The following CSPP1 variants were observed in gnomAD, a reference collection of about 807,000 sequenced individuals.
CSPP1 encodes the protein centrosome and spindle pole-associated protein 1.
A neutral mutation model predicts 164.4 loss-of-function variants in CSPP1; 126 were observed. The ratio of observed to expected loss-of-function variants is 0.77; its 90% CI spans 0.66 to 0.89. CSPP1 has a LOEUF of 0.89. Among genes scored for constraint, CSPP1 ranks in the 40% least tolerant of loss-of-function variants. The pLI is 0.00. For synonymous variants in CSPP1, 472 were observed against 476.7 expected, an observed-to-expected ratio of 0.99 and a Z score of 0.13; for missense variants, 1,395 against 1,449.8, an observed-to-expected ratio of 0.96 and a Z score of 0.61.
At chr8:67,074,102 C>A (rs1302853095) in intron 1 of CSPP1, 141 bp from the exon 2 acceptor site, 8 of 518,504 alleles carry the variant, frequency 1.5e-5, no homozygotes, top group Non-Finnish European at 2.8e-5. Flanking sequence ...AGTAGGCAGG[C>A]ATATTTATGA....
At chr8:67,099,843 G>T (rs1032281605) in intron 7 of CSPP1, among the ~76,000 whole-genome samples, 1 of 152,002 alleles carries the variant, frequency 6.6e-6, no homozygotes, top group Non-Finnish European at 1.5e-5. Context: ...GAATAAGGTG[G>T]CTAACTTACC....
intron 1 of CSPP1, 50 bp from the exon 2 acceptor site, chr8:67,074,193 G>T (rs186724611): frequency 9.7e-7 from 1 of 1,034,486 alleles, no homozygotes; most frequent in Non-Finnish European, 1.5e-6. Context: ...TTGATAATTA[G>T]GCTAAAAATA....
intron 28 of CSPP1, among the ~76,000 whole-genome samples, chr8:67,185,635 G>A (rs1316624547): frequency 2.6e-5 from 4 of 152,144 alleles, no homozygotes; most frequent in Non-Finnish European, 5.9e-5. Context: ...AGATGAAGAG[G>A]AGGATGTGAA....
rs28368501 is a variant in CSPP1 at position 67,099,544 on chromosome 8, C to T, written c.924-3493C>T. On this transcript the variant is annotated intron_variant, in intron 7 of 30. Coordinates refer to ENST00000678616, the MANE Select transcript of CSPP1 (RefSeq NM_001382391.1). ...ATGGTTCTTAGACATTTAGTGAGTG[C>T]ATTACTTTTGGATATTATCATCTGT... 7.9e-3 allele frequency: 1,199 copies of T among 152,204 alleles called. 11 individuals are homozygous for T. The highest frequency in any genetic ancestry group is 0.028 in the African/African-American group (1,158 of 41,530). 9.4% of individuals were successfully genotyped at this position (152,204 alleles called of 1,614,324 possible).
chr8:67,112,984 G>A (rs945521834), intron 10 of CSPP1, among the ~76,000 whole-genome samples: 3 of 152,124 alleles, frequency 2.0e-5, no homozygotes, highest in Admixed American at 6.6e-5. Context: ...AGTGGATCAC[G>A]CCTGTAATCC....
intron 28 of CSPP1, among the ~76,000 whole-genome samples, chr8:67,190,429 C>T (rs1318954119): frequency 6.6e-6 from 1 of 152,058 alleles, no homozygotes; most frequent in Non-Finnish European, 1.5e-5. Context: ...CCAGTGTGCA[C>T]AAAGGAGCTG....
chr8:67,095,140 T>C (rs1812478424), intron 6 of CSPP1, among the ~76,000 whole-genome samples, 153 bp from the exon 7 acceptor site: 1 of 152,156 alleles, frequency 6.6e-6, no homozygotes, highest in Non-Finnish European at 1.5e-5. Flanking sequence ...ATGTGAACAT[T>C]AATGTAAAAA....
chr8:67,177,723 A>G lies in CSPP1; in HGVS notation c.3153A>G (p.Arg1051=). The change falls in exon 27 of 31, where the codon AGA becomes AGG. Residue 1051 remains arginine (R), a synonymous_variant. Coordinates refer to ENST00000678616, the MANE Select transcript of CSPP1 (RefSeq NM_001382391.1). ...CAAGTGCTAAAGTACGAGAGCAAAG[A>G]ATGGTAAGCAACCAGTTACAATTTT... The part of the protein sequence containing the change: ...AIPSAKVREQ[R]MPRDDTSDFL... The G allele has an allele frequency of 6.2e-7, 1 of 1,609,144 alleles. No individual in the cohort carries two copies. The highest frequency in any genetic ancestry group is 1.3e-5 in the African/African-American group (1 of 74,918).
At chr8:67,097,588 A>C (rs190048389) in intron 7 of CSPP1, among the ~76,000 whole-genome samples, 2 of 152,276 alleles carry the variant, frequency 1.3e-5, no homozygotes, top group East Asian at 3.9e-4. Context: ...TCCTTTGTAC[A>C]TGAGAACTTC....
intron 28 of CSPP1, among the ~76,000 whole-genome samples, chr8:67,190,419 C>A (rs1835890602): frequency 6.6e-6 from 1 of 152,074 alleles, no homozygotes; most frequent in African/African-American, 2.4e-5. Context: ...GGAGTGATTG[C>A]CAGTGTGCAC....
At chr8:67,099,565 T>C (rs1419007570) in intron 7 of CSPP1, 2 of 152,178 alleles carry the variant, frequency 1.3e-5, no homozygotes, top group East Asian at 3.8e-4. Flanking sequence ...GATATTATCA[T>C]CTGTCTGTTT....
chr8:67,145,856 CTA>C (rs1824439567), intron 17 of CSPP1, among the ~76,000 whole-genome samples: 1 of 152,050 alleles, frequency 6.6e-6, no homozygotes, highest in Non-Finnish European at 1.5e-5. Flanking sequence ...GATGCTTAGA[CTA>C]TGATTTGAGA....
At chr8:67,102,145 G>A (rs1428184603) in intron 7 of CSPP1, among the ~76,000 whole-genome samples, 2 of 152,098 alleles carry the variant, frequency 1.3e-5, no homozygotes, top group Non-Finnish European at 2.9e-5. Flanking sequence ...TTATGACCTC[G>A]TAAGTAAAGT....
At chr8:67,194,678 C>A (rs1837396649) in intron 30 of CSPP1, among the ~76,000 whole-genome samples, 4 of 147,324 alleles carry the variant, frequency 2.7e-5, no homozygotes, top group Admixed American at 1.3e-4. Context: ...CTTCACAGAC[C>A]AGGAGAATTA....
chr8:67,108,227 T>A (rs1193057801), intron 9 of CSPP1, among the ~76,000 whole-genome samples: 1 of 151,564 alleles, frequency 6.6e-6, no homozygotes, highest in Non-Finnish European at 1.5e-5. Flanking sequence ...AGACCATGTC[T>A]CTACAAAAAG....
chr8:67,155,794 G>C (rs1044271896), intron 19 of CSPP1, among the ~76,000 whole-genome samples: 2 of 152,104 alleles, frequency 1.3e-5, no homozygotes, highest in Non-Finnish European at 2.9e-5. Context: ...TGATTGATGT[G>C]ACATCACTGT....
intron 17 of CSPP1, among the ~76,000 whole-genome samples, chr8:67,144,565 G>A (rs999578836): frequency 6.6e-6 from 1 of 152,026 alleles, no homozygotes; most frequent in African/African-American, 2.4e-5. Context: ...TCAACTTTCT[G>A]AGTAGCTGGG....
chr8:67,178,864 G>A (rs899798621), intron 27 of CSPP1, among the ~76,000 whole-genome samples: 10 of 152,336 alleles, frequency 6.6e-5, no homozygotes, highest in Admixed American at 6.5e-5. Flanking sequence ...ACTTGTGCAT[G>A]TGATGGGAAG....
At chr8:67,180,950 A>G (rs192297401) in intron 28 of CSPP1, among the ~76,000 whole-genome samples, 22 of 152,076 alleles carry the variant, frequency 1.4e-4, no homozygotes, top group Admixed American at 3.9e-4. Flanking sequence ...TCTAGTCTAC[A>G]TATTAGTTGT....
Sources: gnomAD v4.1 joint callset for allele counts (sites outside exome capture counted in the v4.1 genomes callset) on GRCh38, gnomAD v4.1.1 for gene constraint, MANE v1.5 for transcripts, NCBI Gene and HGNC (gene_info 2026-07-23, HGNC 2026-07-21) for gene names.